CPLX2: variants seen among roughly 807,000 people sequenced by gnomAD.
The protein encoded by CPLX2 is complexin 2.
In CPLX2, 5 loss-of-function variants were observed where a neutral mutation model predicts 16.3. That is an observed-to-expected ratio of 0.31 (90% CI 0.16 to 0.64). The LOEUF is 0.64. CPLX2 is among the 30% of genes least tolerant of loss of function. CPLX2 has a pLI of 0.79. For synonymous variants in CPLX2, 89 were observed against 73.2 expected (o/e 1.22, Z -1.10); for missense variants, 144 against 181.4 (o/e 0.79, Z 1.18).
intron 2 of CPLX2, among the ~76,000 whole-genome samples, chr5:175,838,798 TCTAA>T (rs1415277583): frequency 6.6e-6 from 1 of 152,232 alleles, no homozygotes; most frequent in Non-Finnish European, 1.5e-5. Context: ...GCATCTTCAC[TCTAA>T]CTTTCTTACC....
chr5:175,863,508 G>A (rs1321860459), intron 2 of CPLX2, among the ~76,000 whole-genome samples: 4 of 152,182 alleles, frequency 2.6e-5, no homozygotes, highest in Non-Finnish European at 4.4e-5. Flanking sequence ...TAACGGAGGC[G>A]AGGGCCTGGG....
chr5:175,866,492 G>T (rs555874021), intron 2 of CPLX2, among the ~76,000 whole-genome samples: 1 of 151,916 alleles, frequency 6.6e-6, no homozygotes. Context: ...GAAAGCACAG[G>T]ATGAGGGGAG....
At chr5:175,857,012 C>T (rs150877440) in intron 2 of CPLX2, among the ~76,000 whole-genome samples, 4 of 152,220 alleles carry the variant, frequency 2.6e-5, no homozygotes, top group Admixed American at 2.0e-4. Context: ...GACTGAAGAA[C>T]TGAACTAGGG....
intron 2 of CPLX2, among the ~76,000 whole-genome samples, chr5:175,822,433 G>A (rs1404304275): frequency 6.6e-6 from 1 of 152,152 alleles, no homozygotes; most frequent in Non-Finnish European, 1.5e-5. Flanking sequence ...TAGGGCTATT[G>A]TACAAACCAA....
rs377227199 is a variant in CPLX2, at chr5:175,878,791, G to A, written c.31+21G>A. 7.4e-6 allele frequency: 12 copies of A among 1,612,388 alleles called. No individual in the cohort carries two copies. In the African/African-American group the frequency reaches 1.3e-4, roughly 18 times the overall value. ...TGGAGGTGAGGTCCAGCGCCCCTCCGCGTGTCCTCAGCCGGTCCCACCCTT... is the reference window on the plus strand; with the variant it reads ...TGGAGGTGAGGTCCAGCGCCCCTCCACGTGTCCTCAGCCGGTCCCACCCTT... On this transcript the variant is annotated intron_variant, in intron 2 of 3. Transcript: ENST00000393745.
intron 2 of CPLX2, among the ~76,000 whole-genome samples, chr5:175,811,666 A>G (rs1436289396): frequency 2.0e-5 from 3 of 151,740 alleles, no homozygotes; most frequent in Non-Finnish European, 4.4e-5. Context: ...GGACTTAGCT[A>G]AGACCTGGCT....
rs10586362 is a variant in CPLX2, at chr5:175,865,081, TGCGC to T, written c.-88-13564_-88-13561del. Among the ~76,000 whole-genome samples, 415 of 147,738 alleles carry T rather than the reference TGCGC, an allele frequency of 2.8e-3. 4 individuals carry two copies. The highest frequency in any genetic ancestry group is 0.018 in the South Asian group (87 of 4,762). ...AACCACATACTCACATGCACGCATGTGCGCGCGCGCACACACACACACACACTCG... is the reference window on the plus strand; with the variant it reads ...AACCACATACTCACATGCACGCATGTGCGCGCACACACACACACACACTCG... On this transcript the variant is annotated intron_variant, in intron 2 of 4. Transcript: ENST00000359546.
At chr5:175,860,606 GGAAGGAAGGAA>G (rs1759355244) in intron 2 of CPLX2, among the ~76,000 whole-genome samples, 1 of 148,388 alleles carries the variant, frequency 6.7e-6, no homozygotes, top group Non-Finnish European at 1.5e-5. Flanking sequence ...AAGGAAGGAA[GGAAGGAAGGAA>G]GGAAGGAAGG....
chr5:175,865,700 G>A (rs1759462155), intron 2 of CPLX2, among the ~76,000 whole-genome samples: 2 of 152,198 alleles, frequency 1.3e-5, no homozygotes, highest in South Asian at 4.1e-4. Context: ...TGAGGGTCCA[G>A]GATCTTATGA....
At chr5:175,871,421 G>GAGAGAGACAGAGAGAGAGAGAGAGAA (rs1759595557), upstream of CPLX2, 1 of 114,942 alleles carries the variant, frequency 8.7e-6, no homozygotes, top group African/African-American at 3.4e-5. Flanking sequence ...GAGAGAGAGA[G>GAGAGAGACAGAGAGAGAGAGAGAGAA]AGAGAGAGAG....
intron 2 of CPLX2, among the ~76,000 whole-genome samples, chr5:175,810,694 G>T (rs1758297289): frequency 6.6e-6 from 1 of 152,128 alleles, no homozygotes; most frequent in Non-Finnish European, 1.5e-5. Context: ...TGCAAAAATA[G>T]ACTCCCTCCC....
intron 2 of CPLX2, among the ~76,000 whole-genome samples, chr5:175,821,638 C>T (rs1313901901): frequency 6.6e-6 from 1 of 152,180 alleles, no homozygotes; most frequent in Non-Finnish European, 1.5e-5. Context: ...GAATTCCTGA[C>T]CTCCAGTGAT....
At chr5:175,835,694 G>A (rs1758816534) in intron 2 of CPLX2, among the ~76,000 whole-genome samples, 1 of 135,518 alleles carries the variant, frequency 7.4e-6, no homozygotes, top group Non-Finnish European at 1.6e-5. Context: ...AGTCTTTGTT[G>A]TAAGTGGTTT....
chr5:175,806,547 A>G (rs1447280780), intron 1 of CPLX2, among the ~76,000 whole-genome samples: 1 of 152,064 alleles, frequency 6.6e-6, no homozygotes, highest in Non-Finnish European at 1.5e-5. Context: ...CTGGAGTGCA[A>G]TGGTGCCATC....
chr5:175,805,746 AG>A (rs1758188490), intron 1 of CPLX2: 1 of 152,408 alleles, frequency 6.6e-6, no homozygotes. Context: ...GTCAGGTGGT[AG>A]GGGAAGCCTT....
At chr5:175,879,121 C>T (rs773985589) in intron 3 of CPLX2, 38 bp downstream of exon 3, 1 of 1,537,830 alleles carries the variant, frequency 6.5e-7, no homozygotes, top group East Asian at 2.4e-5. Flanking sequence ...GGGAGGGCCA[C>T]AAGCGGGTAA....
At chr5:175,814,661 C>T (rs578106059) in intron 2 of CPLX2, among the ~76,000 whole-genome samples, 1 of 152,192 alleles carries the variant, frequency 6.6e-6, no homozygotes, top group South Asian at 2.1e-4. Flanking sequence ...CAGACTCAGA[C>T]AGAAAAGGGG....
At chr5:175,867,117 G>C (rs1186739310), upstream of CPLX2, among the ~76,000 whole-genome samples, 2 of 152,126 alleles carry the variant, frequency 1.3e-5, no homozygotes, top group Admixed American at 6.5e-5. Context: ...GGCTTTTGCA[G>C]CTTCCCAGGT....
chr5:175,823,451 AATAG>A (rs1288406519), intron 2 of CPLX2, among the ~76,000 whole-genome samples: 58 of 152,264 alleles, frequency 3.8e-4, no homozygotes, highest in African/African-American at 1.3e-3. Flanking sequence ...GGGATGAATA[AATAG>A]ATAGATGGAT....
Sources: gnomAD v4.1 joint callset for allele counts (sites outside exome capture counted in the v4.1 genomes callset) on GRCh38, gnomAD v4.1.1 for gene constraint, MANE v1.5 for transcripts, NCBI Gene and HGNC (gene_info 2026-07-23, HGNC 2026-07-21) for gene names.